STX8: variants seen among roughly 807,000 people sequenced by gnomAD.
STX8 encodes the protein syntaxin-8.
A neutral mutation model predicts 37.5 loss-of-function variants in STX8; 23 were observed. The ratio of observed to expected loss-of-function variants is 0.61; its 90% CI spans 0.44 to 0.87. The LOEUF (loss-of-function observed/expected upper bound fraction) is 0.87, where lower values mean the gene tolerates loss of function less well. Ranked by LOEUF, STX8 falls within the 40% of genes least tolerant of loss-of-function variation. STX8 has a pLI of 0.00. For synonymous variants in STX8, 115 were observed against 99.1 expected, an observed-to-expected ratio of 1.16 and a Z score of -0.95; for missense variants, 313 against 284.7, an observed-to-expected ratio of 1.10 and a Z score of -0.71.
At chr17:9,506,756 A>G (rs1904853712) in intron 4 of STX8, among the ~76,000 whole-genome samples, 1 of 152,038 alleles carries the variant, frequency 6.6e-6, no homozygotes, top group Non-Finnish European at 1.5e-5. Context: ...GCTGCTGGGA[A>G]TTCGTACAGT....
chr17:9,445,839 T>C (rs889274866), intron 6 of STX8, among the ~76,000 whole-genome samples: 15 of 135,288 alleles, frequency 1.1e-4, no homozygotes, highest in African/African-American at 3.2e-4. Context: ...TCTTTTTTTC[T>C]CTTTTTTTTT....
intron 7 of STX8, among the ~76,000 whole-genome samples, chr17:9,306,883 T>C (rs959046704): frequency 3.3e-5 from 5 of 152,108 alleles, no homozygotes; most frequent in African/African-American, 1.2e-4. Flanking sequence ...CCCAGCACTT[T>C]GGGAGGCTGA....
At chr17:9,489,832 G>A (rs926284155) in intron 6 of STX8, among the ~76,000 whole-genome samples, 2 of 151,734 alleles carry the variant, frequency 1.3e-5, no homozygotes, top group Admixed American at 6.6e-5. Context: ...GGGATTACAC[G>A]CATACAACAC....
intron 7 of STX8, among the ~76,000 whole-genome samples, chr17:9,300,794 T>C (rs1430806590): frequency 6.6e-6 from 1 of 151,788 alleles, no homozygotes; most frequent in Non-Finnish European, 1.5e-5. Context: ...ATTAATGATA[T>C]GTATTAGTTA....
Position 9,251,625 on chromosome 17 carries a change from C to T in STX8, c.644-980G>A, listed in dbSNP as rs147741178. Among the ~76,000 whole-genome samples the T allele has an allele frequency of 3.2e-4, 48 of 152,344 alleles. No individual in the cohort carries two copies. The East Asian group carries it at 9.1e-3, about 29-fold the overall frequency. The stretch of plus-strand genomic sequence containing the variant: ...ACGTGTGCAGGGTCACATGGTTGCA[C>T]AGCCATCAGGACTGCTGAACGCCAC... On this transcript the variant is annotated intron_variant, in intron 7 of 7. Transcript: ENST00000306357.
At chr17:9,502,663 T>C (rs1904662639) in intron 5 of STX8, among the ~76,000 whole-genome samples, 1 of 152,148 alleles carries the variant, frequency 6.6e-6, no homozygotes. Context: ...CAAATTTACG[T>C]CCATACAAAG....
intron 4 of STX8, among the ~76,000 whole-genome samples, chr17:9,535,330 G>T (rs1483872031): frequency 6.6e-6 from 1 of 151,638 alleles, no homozygotes; most frequent in African/African-American, 2.4e-5. Flanking sequence ...TAAATTGCTG[G>T]CACAAGTCTA....
In STX8 at chr17:9,505,094, T is replaced by A; in HGVS notation, c.392A>T (p.Glu131Val). ...TTCATCAAAACCCAAGCCTCTGGTCTCCTCTGGCTCCTCAAAGAGCCAAGG... is the reference window on the plus strand; with the variant it reads ...TTCATCAAAACCCAAGCCTCTGGTCACCTCTGGCTCCTCAAAGAGCCAAGG... ...PNPWLFEEPE[E>V]TRGLGFDEIR... is the part of the protein sequence containing the mutation. Residue 131 changes from glutamate to valine, a missense_variant, in exon 5 of 8, where the codon GAG (glutamate) becomes GTG (valine). Physicochemically the swap from Glu to Val is moderately radical, Grantham distance 121. Coordinates refer to ENST00000306357, the MANE Select transcript of STX8 (RefSeq NM_004853.3). The A allele has an allele frequency of 6.2e-7, 1 of 1,613,400 alleles. No individual in the cohort carries two copies. The highest frequency in any genetic ancestry group is 1.3e-5 in the African/African-American group (1 of 74,950).
At chr17:9,297,867 C>T (rs753718552) in intron 7 of STX8, among the ~76,000 whole-genome samples, 40 of 152,158 alleles carry the variant, frequency 2.6e-4, no homozygotes, top group Non-Finnish European at 5.0e-4. Flanking sequence ...TGTTTGTTAG[C>T]TGGGGATGCA....
chr17:9,542,384 C>CA (rs1388031306), intron 4 of STX8, among the ~76,000 whole-genome samples: 1 of 146,616 alleles, frequency 6.8e-6, no homozygotes, highest in African/African-American at 2.5e-5. Context: ...AAAACAACAA[C>CA]AAAAAAACAA....
At chr17:9,399,953 T>C (rs751336796) in intron 6 of STX8, among the ~76,000 whole-genome samples, 3 of 151,970 alleles carry the variant, frequency 2.0e-5, no homozygotes, top group Non-Finnish European at 4.4e-5. Flanking sequence ...AAGTAAATAT[T>C]TAATGAATAG....
chr17:9,549,415 C>A (rs1906676816), intron 3 of STX8, among the ~76,000 whole-genome samples: 1 of 152,184 alleles, frequency 6.6e-6, no homozygotes, highest in Admixed American at 6.5e-5. Context: ...TCCCAGTTCT[C>A]TTGTTTTGCT....
chr17:9,558,202 G>A (rs1350515579), intron 2 of STX8, among the ~76,000 whole-genome samples: 1 of 152,206 alleles, frequency 6.6e-6, no homozygotes, highest in African/African-American at 2.4e-5. Context: ...ATTTGGAAAT[G>A]TGAAAAAACT....
rs544629269 is a variant in STX8, at chr17:9,476,434, G to GT, written c.541+15394dup. 1.7e-3 allele frequency among the ~76,000 whole-genome samples: 255 copies of GT among 151,832 alleles called. 1 individual carries two copies. Among genetic ancestry groups the GT allele is most frequent in the African/African-American group, 6.1e-3 (251 of 41,442 alleles). Reference sequence around the variant, plus strand: ...GTCCAAGGTATAGATGTGAGCGGAAGTTGTTTCTTCTTTTCTTTTTTTTTT... The same window carrying GT: ...GTCCAAGGTATAGATGTGAGCGGAAGTTTGTTTCTTCTTTTCTTTTTTTTTT... On this transcript the variant is annotated intron_variant, in intron 6 of 7. Coordinates refer to ENST00000306357, the MANE Select transcript of STX8 (RefSeq NM_004853.3).
chr17:9,345,542 C>A, intron 7 of STX8, among the ~76,000 whole-genome samples: 1 of 152,100 alleles, frequency 6.6e-6, no homozygotes, highest in Non-Finnish European at 1.5e-5. Context: ...AATAATTTCA[C>A]AGAAGTAGGG....
chr17:9,457,671 C>A (rs1210679912), intron 6 of STX8, among the ~76,000 whole-genome samples: 1 of 152,248 alleles, frequency 6.6e-6, no homozygotes, highest in Non-Finnish European at 1.5e-5. Flanking sequence ...GAGGGCTTTG[C>A]CCTCAGGCTG....
intron 6 of STX8, among the ~76,000 whole-genome samples, chr17:9,433,650 G>A (rs1914051175): frequency 6.6e-6 from 1 of 151,802 alleles, no homozygotes; most frequent in Non-Finnish European, 1.5e-5. Flanking sequence ...GAAAAAATGT[G>A]GCCCCTTCTC....
At chr17:9,309,401 C>T (rs530317045) in intron 7 of STX8, among the ~76,000 whole-genome samples, 34 of 152,254 alleles carry the variant, frequency 2.2e-4, no homozygotes, top group Admixed American at 3.9e-4. Context: ...TCACACAATT[C>T]CCAGCTACTT....
chr17:9,442,711 ATCT>A (rs1225834590), intron 6 of STX8, among the ~76,000 whole-genome samples: 1 of 152,152 alleles, frequency 6.6e-6, no homozygotes, highest in East Asian at 1.9e-4. Flanking sequence ...CCCGGCCTGT[ATCT>A]TCTTTATTGA....
Sources: allele counts gnomAD v4.1 joint callset (sites outside exome capture counted in the v4.1 genomes callset), GRCh38; gene constraint gnomAD v4.1.1; transcripts MANE v1.5; gene names NCBI Gene and HGNC (gene_info 2026-07-23, HGNC 2026-07-21).